The following FMN1 variants were observed in gnomAD, a reference collection of about 807,000 sequenced individuals.
FMN1 encodes the protein formin 1.
A neutral mutation model predicts 132.4 loss-of-function variants in FMN1; 110 were observed. That is an observed-to-expected ratio of 0.83 (90% CI 0.71 to 0.97). The LOEUF is 0.97. Ranked by LOEUF, FMN1 falls within the 50% of genes least tolerant of loss-of-function variation. FMN1 has a pLI of 0.00. For missense variants in FMN1, 1,792 were observed against 1,705.3 expected (o/e 1.05, Z -0.90); for synonymous variants, 722 against 651.7 (o/e 1.11, Z -1.64).
intron 7 of FMN1, among the ~76,000 whole-genome samples, chr15:32,998,528 T>C (rs1283507303): frequency 6.6e-6 from 1 of 152,156 alleles, no homozygotes; most frequent in Admixed American, 6.5e-5. Context: ...TGATGTGTGA[T>C]TGTATAGAAT....
chr15:32,916,363 G>A (rs2060683834), intron 10 of FMN1, among the ~76,000 whole-genome samples: 1 of 152,196 alleles, frequency 6.6e-6, no homozygotes, highest in South Asian at 2.1e-4. Flanking sequence ...GAATGCACTT[G>A]CTGTTCGAAG....
rs114279030 is a variant in FMN1, at chr15:32,806,984, T to C, written c.3929-2652A>G. Among the ~76,000 whole-genome samples the C allele has an allele frequency of 1.4e-3, 207 of 152,334 alleles. 1 individual carries two copies. In the South Asian group the frequency reaches 0.021, roughly 16 times the overall value. ...ATGTGTTTATCATGCAACAACTGAA[T>C]GTAAGCTCTAGGAGGGCAGCAGCTT... On this transcript the variant is annotated intron_variant, in intron 17 of 20. Coordinates refer to ENST00000616417, the MANE Select transcript of FMN1 (RefSeq NM_001277313.2).
chr15:32,871,863 G>A (rs145116811), intron 16 of FMN1, among the ~76,000 whole-genome samples: 143 of 152,210 alleles, frequency 9.4e-4, no homozygotes, highest in African/African-American at 2.8e-3. Flanking sequence ...TAGGGACTAC[G>A]GTCATCACAT....
intron 17 of FMN1, among the ~76,000 whole-genome samples, chr15:32,842,629 A>C (rs548529362): frequency 3.3e-5 from 5 of 152,356 alleles, no homozygotes; most frequent in African/African-American, 1.2e-4. Flanking sequence ...AGAAAGCCCT[A>C]AACTAATAAT....
At chr15:32,790,556 C>G (rs1253102373) in intron 19 of FMN1, among the ~76,000 whole-genome samples, 2 of 152,204 alleles carry the variant, frequency 1.3e-5, no homozygotes, top group African/African-American at 2.4e-5. Flanking sequence ...GATCTGTTTA[C>G]ATTTTTACAA....
intron 6 of FMN1, among the ~76,000 whole-genome samples, chr15:33,062,154 A>T (rs930256018): frequency 4.6e-5 from 7 of 152,198 alleles, no homozygotes; most frequent in African/African-American, 7.2e-5. Flanking sequence ...CTATGGCAAT[A>T]TGGTAATATA....
rs774158091 is a variant in FMN1, at chr15:32,798,769, T to C, written c.4130+35A>G. 2.4e-5 allele frequency: 38 copies of C among 1,578,760 alleles called. No homozygotes were observed. In the African/African-American group the frequency reaches 4.5e-4, roughly 18 times the overall value. ...TTAAGAGTGCAGTTTCCTAGGCTCC[T>C]GAAGGAGGCATTAAAATCTTTTTTT... On this transcript the variant is annotated intron_variant, in intron 19 of 20. Coordinates refer to ENST00000616417, the MANE Select transcript of FMN1 (RefSeq NM_001277313.2).
chr15:33,012,998 A>G (rs2034817727), intron 6 of FMN1: 2 of 429,478 alleles, frequency 4.7e-6, no homozygotes, highest in South Asian at 3.6e-5. Context: ...GGAAGCCAGT[A>G]CTTTGCCAAA....
At chr15:32,863,645 T>TA (rs1445589085) in intron 16 of FMN1, among the ~76,000 whole-genome samples, 2 of 152,222 alleles carry the variant, frequency 1.3e-5, no homozygotes, top group African/African-American at 4.8e-5. Flanking sequence ...TTGTTTCTAG[T>TA]AACTTGAACT....
chr15:32,787,637 T>A lies in FMN1; in HGVS notation c.4131-10718A>T, dbSNP rs148105655. On this transcript the variant is annotated intron_variant, in intron 19 of 20. Transcript: ENST00000616417. ...AGGCTGAGGCAGGACTGCTTGAGGC[T>A]AGGAGTTCAAGGCCAGCCTGGGCAA... 1.0e-3 allele frequency among the ~76,000 whole-genome samples: 155 copies of A among 152,276 alleles called. 2 individuals carry two copies. In the East Asian group the frequency reaches 0.027, roughly 27 times the overall value.
intron 16 of FMN1, among the ~76,000 whole-genome samples, chr15:32,868,364 G>A (rs2059440167): frequency 6.6e-6 from 1 of 152,190 alleles, no homozygotes; most frequent in African/African-American, 2.4e-5. Context: ...GTATTCTACT[G>A]AATAATGTTG....
At chr15:32,873,954 T>G (rs1029732889) in intron 16 of FMN1, among the ~76,000 whole-genome samples, 2 of 152,118 alleles carry the variant, frequency 1.3e-5, no homozygotes, top group African/African-American at 4.8e-5. Flanking sequence ...GCCGCCTTTT[T>G]ATTTTTACTC....
In FMN1 at chr15:32,880,898, A is replaced by G. The variant is rs185505597; in HGVS notation, c.3835+7274T>C. 3.5e-4 allele frequency among the ~76,000 whole-genome samples: 54 copies of G among 152,292 alleles called. 1 individual carries two copies. In the East Asian group the frequency reaches 9.9e-3, roughly 28 times the overall value. ...TTCTGAAATGTTCTAGTAATAGTAT[A>G]AATCTGTTTTACTTCCCCCATATTA... On this transcript the variant is annotated intron_variant, in intron 16 of 20. Transcript: ENST00000616417.
At chr15:33,066,126 A>G (rs1035466310) in intron 5 of FMN1, among the ~76,000 whole-genome samples, 2 of 152,206 alleles carry the variant, frequency 1.3e-5, no homozygotes, top group African/African-American at 4.8e-5. Context: ...CAAAGGAACG[A>G]TAGACTTTCT....
chr15:33,059,382 T>C (rs1400675127), intron 6 of FMN1, among the ~76,000 whole-genome samples: 5 of 152,240 alleles, frequency 3.3e-5, no homozygotes, highest in Admixed American at 6.5e-5. Flanking sequence ...CTTTTACATA[T>C]TGGTTTCAGT....
chr15:32,861,075 A>G (rs1318196063), intron 16 of FMN1, among the ~76,000 whole-genome samples: 1 of 152,236 alleles, frequency 6.6e-6, no homozygotes, highest in Non-Finnish European at 1.5e-5. Flanking sequence ...TTCCCACAAT[A>G]TAAATTGGGA....
intron 6 of FMN1, among the ~76,000 whole-genome samples, chr15:33,042,988 A>C (rs978269503): frequency 6.6e-6 from 1 of 152,120 alleles, no homozygotes; most frequent in Non-Finnish European, 1.5e-5. Context: ...AAATCTAAAC[A>C]TATGCGTGTA....
At chr15:33,068,351 G>A (rs796511270) in intron 5 of FMN1, among the ~76,000 whole-genome samples, 31 of 152,252 alleles carry the variant, frequency 2.0e-4, no homozygotes, top group African/African-American at 7.2e-4. Context: ...GTGCTGAGCC[G>A]GCAAGCTGAT....
rs1227075681 is a variant in FMN1, at chr15:33,180,440, A to G, written c.-196-178T>C. Among the ~76,000 whole-genome samples the G allele has an allele frequency of 2.6e-5, 4 of 152,150 alleles. No homozygotes were observed. In the East Asian group the frequency reaches 5.8e-4, roughly 22 times the overall value. On this transcript the variant is annotated intron_variant, in intron 2 of 20. Coordinates refer to ENST00000616417, the MANE Select transcript of FMN1 (RefSeq NM_001277313.2). ...CTGGAGTAAGTCTAGGGAACAGACG[A>G]TCCTGCCTCTTCCGTGAGATAACCC...
Sources: gnomAD v4.1 joint callset for allele counts (sites outside exome capture counted in the v4.1 genomes callset) on GRCh38, gnomAD v4.1.1 for gene constraint, MANE v1.5 for transcripts, NCBI Gene and HGNC (gene_info 2026-07-23, HGNC 2026-07-21) for gene names.